CDH18: variants seen among roughly 807,000 people sequenced by gnomAD.
CDH18 encodes cadherin-18.
A neutral mutation model predicts 67.9 loss-of-function variants in CDH18; 31 were observed. That is an observed-to-expected ratio of 0.46 (90% CI 0.34 to 0.62). The LOEUF (loss-of-function observed/expected upper bound fraction) is 0.62. CDH18 is among the 20% of genes least tolerant of loss of function. The pLI is 0.01. For missense variants in CDH18, 890 were observed against 975.5 expected (o/e 0.91, Z 1.17); for synonymous variants, 362 against 347.2 (o/e 1.04, Z -0.48).
intron 5 of CDH18, among the ~76,000 whole-genome samples, chr5:19,637,992 T>C (rs1032496881): frequency 7.9e-5 from 12 of 152,228 alleles, no homozygotes; most frequent in Non-Finnish European, 1.0e-4. Context: ...TTGTATTATC[T>C]TTCTATTATT....
At chr5:19,661,046 A>C (rs1757096325) in intron 5 of CDH18, among the ~76,000 whole-genome samples, 1 of 152,054 alleles carries the variant, frequency 6.6e-6, no homozygotes, top group Admixed American at 6.6e-5. Context: ...CCAACCAATC[A>C]AAGAAAGAAA....
At chr5:19,805,338 T>A (rs1777928011) in intron 3 of CDH18, among the ~76,000 whole-genome samples, 1 of 152,184 alleles carries the variant, frequency 6.6e-6, no homozygotes, top group Non-Finnish European at 1.5e-5. Context: ...TCTACTATGA[T>A]TTCACTTCCA....
intron 4 of CDH18, among the ~76,000 whole-genome samples, chr5:19,728,578 T>C (rs535358532): frequency 2.0e-5 from 3 of 152,172 alleles, no homozygotes; most frequent in Non-Finnish European, 4.4e-5. Flanking sequence ...GTATTTTGCA[T>C]AGACACATAT....
intron 1 of CDH18, among the ~76,000 whole-genome samples, chr5:20,273,753 T>C (rs1479193865): frequency 6.6e-6 from 1 of 152,156 alleles, no homozygotes. Context: ...AGATGACTAC[T>C]ATGACACTCA....
At chr5:19,512,853 G>T (rs1415032690) in intron 10 of CDH18, among the ~76,000 whole-genome samples, 1 of 152,046 alleles carries the variant, frequency 6.6e-6, no homozygotes, top group East Asian at 1.9e-4. Flanking sequence ...ATCGTGCAGA[G>T]AATAGCTATA....
intron 1 of CDH18, among the ~76,000 whole-genome samples, chr5:20,539,880 C>G (rs928718029): frequency 6.6e-6 from 1 of 152,096 alleles, no homozygotes; most frequent in Middle Eastern, 3.4e-3. Context: ...TTAACTCATA[C>G]GTGACTTCAG....
At chr5:20,356,926 CAT>C (rs1261421959) in intron 1 of CDH18, among the ~76,000 whole-genome samples, 1 of 149,526 alleles carries the variant, frequency 6.7e-6, no homozygotes, top group Non-Finnish European at 1.5e-5. Flanking sequence ...TACATATATA[CAT>C]ATATATACAC....
intron 2 of CDH18, among the ~76,000 whole-genome samples, chr5:19,900,038 T>A (rs1353620773): frequency 6.6e-6 from 1 of 152,176 alleles, no homozygotes; most frequent in East Asian, 1.9e-4. Context: ...TAGGTAAAAA[T>A]ACTGTATTGT....
intron 8 of CDH18, among the ~76,000 whole-genome samples, chr5:19,546,244 T>A (rs1736296801): frequency 6.6e-6 from 1 of 152,214 alleles, no homozygotes; most frequent in Admixed American, 6.5e-5. Flanking sequence ...GTATATTGAA[T>A]GTGAAGATAC....
intron 5 of CDH18, among the ~76,000 whole-genome samples, chr5:19,664,848 T>A (rs1176971799): frequency 1.3e-5 from 2 of 152,002 alleles, no homozygotes; most frequent in Non-Finnish European, 1.5e-5. Flanking sequence ...TCTCTTTAAT[T>A]TTCCTGCAGG....
At chr5:19,901,835 T>C (rs1206108945) in intron 2 of CDH18, among the ~76,000 whole-genome samples, 1 of 151,864 alleles carries the variant, frequency 6.6e-6, no homozygotes, top group Non-Finnish European at 1.5e-5. Flanking sequence ...ACTTATGATA[T>C]ATAATATATA....
intron 2 of CDH18, among the ~76,000 whole-genome samples, chr5:20,064,326 A>C (rs1742783398): frequency 6.6e-6 from 1 of 152,236 alleles, no homozygotes; most frequent in South Asian, 2.1e-4. Flanking sequence ...GACAAACTGA[A>C]GAGCAAAAGA....
chr5:20,075,560 G>A (rs961084096), intron 2 of CDH18, among the ~76,000 whole-genome samples: 3 of 152,068 alleles, frequency 2.0e-5, no homozygotes, highest in African/African-American at 4.8e-5. Flanking sequence ...TGTGTTGACA[G>A]AATATGGCCA....
chr5:20,143,319 T>C (rs952759238), intron 2 of CDH18, among the ~76,000 whole-genome samples: 45 of 152,130 alleles, frequency 3.0e-4, no homozygotes, highest in African/African-American at 1.1e-3. Flanking sequence ...ATAGAACTGG[T>C]AAGTGGAAAA....
intron 4 of CDH18, among the ~76,000 whole-genome samples, chr5:19,725,833 C>T (rs537531839): frequency 2.0e-5 from 3 of 152,192 alleles, no homozygotes; most frequent in African/African-American, 4.8e-5. Flanking sequence ...GTTCTAGGCA[C>T]ATAGAGATTA....
chr5:20,550,510 A>G (rs1757573055), intron 1 of CDH18, among the ~76,000 whole-genome samples: 1 of 152,208 alleles, frequency 6.6e-6, no homozygotes, highest in South Asian at 2.1e-4. Flanking sequence ...ATTTAATTCA[A>G]TCAATACTTC....
At chr5:19,829,772 C>T (rs1035315319) in intron 3 of CDH18, among the ~76,000 whole-genome samples, 7 of 151,828 alleles carry the variant, frequency 4.6e-5, no homozygotes, top group African/African-American at 7.2e-5. Flanking sequence ...CATCATGTCA[C>T]TCAACTTCAA....
intron 2 of CDH18, among the ~76,000 whole-genome samples, chr5:20,045,730 T>C (rs1044643463): frequency 1.3e-5 from 2 of 152,008 alleles, no homozygotes; most frequent in South Asian, 4.2e-4. Context: ...TGAGAAGACA[T>C]TTGAAAAGAG....
chr5:20,541,791 A>G (rs1272172022), intron 1 of CDH18, among the ~76,000 whole-genome samples: 1 of 152,206 alleles, frequency 6.6e-6, no homozygotes, highest in Admixed American at 6.5e-5. Flanking sequence ...GAGTGTTGCT[A>G]TACTTCACCA....
Sources: gnomAD v4.1 joint callset for allele counts (sites outside exome capture counted in the v4.1 genomes callset) on GRCh38, gnomAD v4.1.1 for gene constraint, MANE v1.5 for transcripts, NCBI Gene and HGNC (gene_info 2026-07-23, HGNC 2026-07-21) for gene names.